EPB41L2: variants seen among roughly 807,000 people sequenced by gnomAD.
The protein encoded by EPB41L2 is erythrocyte membrane protein band 4.1 like 2.
EPB41L2 carries 43 observed loss-of-function variants against 113.0 expected under a neutral mutation model. The observed-to-expected ratio is 0.38, with a 90% CI of 0.30 to 0.49. The LOEUF is 0.49. EPB41L2 is among the 20% of genes least tolerant of loss of function. The pLI is 0.95. For missense variants in EPB41L2, 1,147 were observed against 1,223.4 expected, an observed-to-expected ratio of 0.94 and a Z score of 0.93; for synonymous variants, 442 against 436.7, an observed-to-expected ratio of 1.01 and a Z score of -0.15.
At chr6:130,953,843 T>G (rs989382588) in intron 3 of EPB41L2, among the ~76,000 whole-genome samples, 2 of 151,916 alleles carry the variant, frequency 1.3e-5, no homozygotes, top group African/African-American at 4.8e-5. Flanking sequence ...GGGGCCATCC[T>G]GGAAGCAGAG....
intron 4 of EPB41L2, among the ~76,000 whole-genome samples, chr6:130,910,527 G>A (rs1032527149): frequency 6.6e-6 from 1 of 152,194 alleles, no homozygotes; most frequent in Admixed American, 6.5e-5. Context: ...ATTGACAAAT[G>A]AGATCTAATT....
chr6:131,028,434 G>A (rs764206792), intron 1 of EPB41L2, among the ~76,000 whole-genome samples: 102 of 152,134 alleles, frequency 6.7e-4, no homozygotes, highest in Middle Eastern at 3.4e-3. Context: ...TCTGGTGCTC[G>A]GGACATACTA....
chr6:131,030,642 T>C (rs1342589334), intron 1 of EPB41L2, among the ~76,000 whole-genome samples: 1 of 152,194 alleles, frequency 6.6e-6, no homozygotes, highest in African/African-American at 2.4e-5. Flanking sequence ...TCTGAACCAT[T>C]TATATTATGA....
chr6:130,893,602 C>G (rs1013198920), intron 10 of EPB41L2, among the ~76,000 whole-genome samples: 1 of 152,170 alleles, frequency 6.6e-6, no homozygotes, highest in African/African-American at 2.4e-5. Flanking sequence ...TGTAATAGCA[C>G]TAATCCATAG....
intron 1 of EPB41L2, among the ~76,000 whole-genome samples, chr6:131,013,250 A>C (rs1787461507): frequency 7.2e-6 from 1 of 139,680 alleles, no homozygotes; most frequent in South Asian, 2.2e-4. Context: ...AAAAAAAAAA[A>C]TATATATATA....
chr6:130,895,876 G>T (rs1482701997), intron 8 of EPB41L2, among the ~76,000 whole-genome samples: 2 of 152,124 alleles, frequency 1.3e-5, no homozygotes, highest in Non-Finnish European at 2.9e-5. Flanking sequence ...AAATTTACAG[G>T]CAAAAGTGAA....
intron 19 of EPB41L2, among the ~76,000 whole-genome samples, chr6:130,852,688 T>C (rs1330605239): frequency 6.6e-6 from 1 of 152,208 alleles, no homozygotes; most frequent in Non-Finnish European, 1.5e-5. Context: ...TTACCATCTC[T>C]CAAACACAGG....
rs1192262482 is a variant in EPB41L2, at chr6:130,963,964, C to A, written c.-14-7465G>T. Among the ~76,000 whole-genome samples, 4 of 151,968 alleles carry A rather than the reference C, an allele frequency of 2.6e-5. No homozygotes were observed. The East Asian group carries it at 7.7e-4, about 29-fold the overall frequency. On this transcript the variant is annotated intron_variant, in intron 1 of 19. Coordinates refer to ENST00000337057, the MANE Select transcript of EPB41L2 (RefSeq NM_001431.4). ...CTGCATCTGCTCTAATTCCTTCTCT[C>A]AGGTAGAGGCCCAATTCTGTGTAAT...
At chr6:131,024,239 CAA>C (rs35305499) in intron 1 of EPB41L2, among the ~76,000 whole-genome samples, 3,570 of 151,962 alleles carry the variant, frequency 0.023, 68 homozygotes, top group South Asian at 0.093. Flanking sequence ...GAGGGAGGAA[CAA>C]ATATACAAAA....
intron 1 of EPB41L2, among the ~76,000 whole-genome samples, chr6:131,002,434 A>G (rs543296279): frequency 7.4e-4 from 112 of 152,326 alleles, no homozygotes; most frequent in Non-Finnish European, 1.6e-3. Context: ...AGACAACCTC[A>G]TGGAAAGTTA....
intron 1 of EPB41L2, among the ~76,000 whole-genome samples, chr6:130,965,616 G>A (rs1287832868): frequency 1.3e-5 from 2 of 149,430 alleles, no homozygotes; most frequent in African/African-American, 4.9e-5. Context: ...CCAATGGTGG[G>A]GAAAGTGGCC....
intron 1 of EPB41L2, among the ~76,000 whole-genome samples, chr6:130,989,976 T>C (rs1781441509): frequency 6.6e-6 from 1 of 151,928 alleles, no homozygotes; most frequent in Admixed American, 6.6e-5. Context: ...AGCTAATGAG[T>C]TCAATTTAGA....
At chr6:131,006,159 C>T (rs563770723) in intron 1 of EPB41L2, among the ~76,000 whole-genome samples, 2 of 151,824 alleles carry the variant, frequency 1.3e-5, no homozygotes, top group South Asian at 2.1e-4. Context: ...CAGGTTCAAG[C>T]GATTCTCATG....
chr6:130,932,319 T>TA (rs1236211706), intron 3 of EPB41L2, among the ~76,000 whole-genome samples: 13 of 66,202 alleles, frequency 2.0e-4, no homozygotes, highest in East Asian at 6.6e-3. Flanking sequence ...AACATTGCTT[T>TA]TAAAAAAAAA....
At chr6:130,884,337 A>C (rs1201517467) in intron 12 of EPB41L2, among the ~76,000 whole-genome samples, 1 of 152,186 alleles carries the variant, frequency 6.6e-6, no homozygotes, top group Non-Finnish European at 1.5e-5. Flanking sequence ...CTTCATCTCG[A>C]AAAAATAAAA....
intron 1 of EPB41L2, among the ~76,000 whole-genome samples, chr6:131,034,040 T>G (rs2128174350): frequency 6.6e-6 from 1 of 152,338 alleles, no homozygotes; most frequent in East Asian, 1.9e-4. Context: ...AACAATTACT[T>G]GAAGACATAA....
chr6:130,889,260 C>T (rs1278034048), intron 11 of EPB41L2, among the ~76,000 whole-genome samples: 1 of 151,696 alleles, frequency 6.6e-6, no homozygotes, highest in African/African-American at 2.4e-5. Flanking sequence ...TTTTCTATTA[C>T]AAAGAAAGAA....
intron 1 of EPB41L2, among the ~76,000 whole-genome samples, chr6:130,975,632 A>G (rs1778017158): frequency 6.6e-6 from 1 of 152,206 alleles, no homozygotes; most frequent in African/African-American, 2.4e-5. Flanking sequence ...CCCCATCTGT[A>G]AAGTGATTAT....
chr6:131,020,984 G>A (rs1789342025), intron 1 of EPB41L2, among the ~76,000 whole-genome samples: 1 of 151,896 alleles, frequency 6.6e-6, no homozygotes, highest in Middle Eastern at 3.4e-3. Flanking sequence ...TTTTTGTAGA[G>A]ACAGGGTCTT....
Sources: gnomAD v4.1 joint callset for allele counts (sites outside exome capture counted in the v4.1 genomes callset) on GRCh38, gnomAD v4.1.1 for gene constraint, MANE v1.5 for transcripts, NCBI Gene and HGNC (gene_info 2026-07-23, HGNC 2026-07-21) for gene names.